RUFY4: variants seen among roughly 807,000 people sequenced by gnomAD.
RUFY4 encodes the protein RUN and FYVE domain containing 4.
A neutral mutation model predicts 69.0 loss-of-function variants in RUFY4; 73 were observed. The observed-to-expected ratio is 1.06, with a 90% CI of 0.88 to 1.29. RUFY4 has a LOEUF of 1.29. Among genes scored for constraint, RUFY4 ranks in the 50% most tolerant of loss-of-function variants. The pLI is 0.00. For missense variants in RUFY4, 770 were observed against 705.6 expected (o/e 1.09, Z -1.03); for synonymous variants, 287 against 271.8 (o/e 1.06, Z -0.55).
exon 7 of RUFY4, chr2:218,075,392 G>A (rs759529921): frequency 3.1e-6 from 5 of 1,613,266 alleles, no homozygotes; most frequent in East Asian, 2.2e-5. Flanking sequence ...GACAGGGGAA[G>A]GGGGCTATGG....
upstream of RUFY4, chr2:218,070,376 G>A (rs1421461533): frequency 5.0e-6 from 3 of 599,964 alleles, no homozygotes; most frequent in Non-Finnish European, 9.0e-6. Context: ...GTCACCCAGG[G>A]ACTGCTCAAT....
intron 2 of RUFY4, among the ~76,000 whole-genome samples, chr2:218,051,587 A>C (rs73082344): frequency 0.084 from 11,934 of 141,586 alleles, 1,470 homozygotes; most frequent in African/African-American, 0.27. Context: ...AAAAAAAAAA[A>C]ACACAGAAAA....
intron 2 of RUFY4, among the ~76,000 whole-genome samples, chr2:218,040,618 C>G (rs543095120): frequency 1.3e-5 from 2 of 152,298 alleles, no homozygotes; most frequent in African/African-American, 2.4e-5. Context: ...GAGGAGGCCA[C>G]AGCCTCTTCC....
chr2:218,047,967 A>G (rs1049156407), intron 2 of RUFY4, among the ~76,000 whole-genome samples: 2 of 152,166 alleles, frequency 1.3e-5, no homozygotes, highest in African/African-American at 4.8e-5. Flanking sequence ...GGTTGAACTT[A>G]TAAGTTCTGT....
At chr2:218,084,464 A>C (rs1260597309) in intron 9 of RUFY4, among the ~76,000 whole-genome samples, 1 of 152,000 alleles carries the variant, frequency 6.6e-6, no homozygotes, top group Non-Finnish European at 1.5e-5. Flanking sequence ...ACTCCTGACC[A>C]CAAGCAATCC....
intron 6 of RUFY4, 81 bp downstream of exon 8, chr2:218,073,966 C>G: frequency 7.3e-7 from 1 of 1,379,154 alleles, no homozygotes; most frequent in Non-Finnish European, 1.0e-6. Flanking sequence ...ACTGAGCTTC[C>G]CCCTCCGAGT....
At chr2:218,080,213 A>G (rs367833366) in intron 8 of RUFY4, among the ~76,000 whole-genome samples, 1 of 152,212 alleles carries the variant, frequency 6.6e-6, no homozygotes, top group Admixed American at 6.5e-5. Flanking sequence ...CTGTGCTACC[A>G]GAGGCTGGGG....
chr2:218,042,760 G>A (rs1459283647), intron 2 of RUFY4, among the ~76,000 whole-genome samples: 1 of 151,850 alleles, frequency 6.6e-6, no homozygotes, highest in Non-Finnish European at 1.5e-5. Flanking sequence ...AATTTTTAGT[G>A]AAACCAGGAA....
chr2:218,056,946 C>T (rs1411175478), intron 2 of RUFY4, among the ~76,000 whole-genome samples: 1 of 152,128 alleles, frequency 6.6e-6, no homozygotes, highest in Non-Finnish European at 1.5e-5. Flanking sequence ...GGCATGGTGG[C>T]TTGCGCCTGT....
chr2:218,073,238 C>A lies in RUFY4; in HGVS notation c.387-5C>A. ...GGCCAAGGGTTCTGATCACTGTTAACACAGGGAATGGTATGGACCCCGGAG... is the reference window on the plus strand; with the variant it reads ...GGCCAAGGGTTCTGATCACTGTTAAAACAGGGAATGGTATGGACCCCGGAG... On this transcript the variant is annotated splice_polypyrimidine_tract_variant and splice_region_variant and intron_variant, in intron 4 of 10. Coordinates refer to ENST00000344321, the Ensembl canonical transcript of RUFY4. 1 of 1,550,648 alleles carries A rather than the reference C, an allele frequency of 6.4e-7. No homozygotes were observed. Among genetic ancestry groups the A allele is most frequent in the Non-Finnish European group, 8.7e-7 (1 of 1,147,006 alleles).
intron 3 of RUFY4, chr2:218,059,866 A>G (rs2106036872): frequency 6.0e-6 from 1 of 167,480 alleles, no homozygotes; most frequent in East Asian, 1.9e-4. Context: ...TCATGTGGTA[A>G]TTCTATGTCT....
intron 2 of RUFY4, among the ~76,000 whole-genome samples, 156 bp downstream of exon 4, chr2:218,071,015 T>C (rs1282162857): frequency 1.3e-5 from 2 of 152,154 alleles, no homozygotes; most frequent in Non-Finnish European, 2.9e-5. Flanking sequence ...CTCTTGGAGT[T>C]TGTCACTGCA....
chr2:218,069,276 A>G (rs1354039937), upstream of RUFY4: 2 of 152,322 alleles, frequency 1.3e-5, no homozygotes, highest in Non-Finnish European at 2.9e-5. Context: ...CTGCTGTGCA[A>G]GGCAGAGTCA....
exon 7 of RUFY4, chr2:218,075,206 G>T (rs1270906084): frequency 1.3e-6 from 2 of 1,559,644 alleles, no homozygotes; most frequent in Admixed American, 1.9e-5. Context: ...GGCTTCCCAG[G>T]TCCCAGCAAC....
exon 3 of RUFY4, chr2:218,072,480 T>C: frequency 6.5e-7 from 1 of 1,537,102 alleles, no homozygotes; most frequent in Non-Finnish European, 8.7e-7. Flanking sequence ...CCAATCCACT[T>C]TGTCCGTTCC....
chr2:218,052,799 A>T (rs1380119463), intron 2 of RUFY4, among the ~76,000 whole-genome samples: 4 of 148,482 alleles, frequency 2.7e-5, no homozygotes, highest in African/African-American at 9.9e-5. Context: ...ATAAACTAAT[A>T]TTGGGTTTTT....
chr2:218,082,997 G>C, intron 8 of RUFY4, 113 bp from the exon 11 acceptor site: 1 of 1,296,268 alleles, frequency 7.7e-7, no homozygotes, highest in East Asian at 2.5e-5. Flanking sequence ...TTCAGCTGCC[G>C]GGGGCATCAC....
At chr2:218,074,011 G>A in intron 6 of RUFY4, 126 bp downstream of exon 8, 1 of 933,262 alleles carries the variant, frequency 1.1e-6, no homozygotes, top group South Asian at 1.4e-5. Flanking sequence ...GACAGACAGA[G>A]CAAGAGGCCA....
At chr2:218,075,014 G>GGC in intron 6 of RUFY4, 79 bp from the exon 9 acceptor site, 4 of 1,391,794 alleles carry the variant, frequency 2.9e-6, no homozygotes, top group Non-Finnish European at 3.8e-6. Flanking sequence ...GATTAGATTA[G>GGC]CACTGTGGCC....
Sources: allele counts gnomAD v4.1 joint callset (sites outside exome capture counted in the v4.1 genomes callset), GRCh38; gene constraint gnomAD v4.1.1; transcripts MANE v1.5; gene names NCBI Gene and HGNC (gene_info 2026-07-23, HGNC 2026-07-21).